DPYD: variants seen among roughly 807,000 people sequenced by gnomAD.
The protein encoded by DPYD is dihydropyrimidine dehydrogenase [NADP(+)].
A neutral mutation model predicts 116.2 loss-of-function variants in DPYD; 109 were observed. The ratio of observed to expected loss-of-function variants is 0.94; its 90% CI spans 0.80 to 1.10. The LOEUF (loss-of-function observed/expected upper bound fraction) is 1.10. DPYD is among the 50% of genes least tolerant of loss of function. The pLI is 0.00. For missense variants in DPYD, 1,302 were observed against 1,254.5 expected (o/e 1.04, Z -0.57); for synonymous variants, 440 against 432.0 (o/e 1.02, Z -0.23).
At chr1:97,790,783 G>A (rs1449299419) in intron 3 of DPYD, among the ~76,000 whole-genome samples, 2 of 152,034 alleles carry the variant, frequency 1.3e-5, no homozygotes, top group Non-Finnish European at 2.9e-5. Flanking sequence ...ACATTCTGTT[G>A]AGTTCAAAAG....
chr1:97,111,232 T>C (rs1651572095), intron 20 of DPYD, among the ~76,000 whole-genome samples: 1 of 152,114 alleles, frequency 6.6e-6, no homozygotes, highest in Non-Finnish European at 1.5e-5. Context: ...ATCCTCCTTA[T>C]AGTAGCCTGA....
chr1:97,433,941 C>T (rs1675319869), intron 14 of DPYD, among the ~76,000 whole-genome samples: 1 of 152,188 alleles, frequency 6.6e-6, no homozygotes, highest in Admixed American at 6.5e-5. Flanking sequence ...GTACACGTAG[C>T]CATTCCAGCC....
chr1:97,396,633 T>C (rs189445578), intron 14 of DPYD, among the ~76,000 whole-genome samples: 58 of 152,184 alleles, frequency 3.8e-4, no homozygotes, highest in South Asian at 2.1e-3. Flanking sequence ...GGGCTGATGA[T>C]AGGGTAGTAT....
intron 2 of DPYD, among the ~76,000 whole-genome samples, chr1:97,881,324 G>A (rs1558028761): frequency 6.6e-6 from 1 of 151,964 alleles, no homozygotes; most frequent in Non-Finnish European, 1.5e-5. Flanking sequence ...GCCAAGGAGA[G>A]AGGTCTTGGA....
intron 13 of DPYD, among the ~76,000 whole-genome samples, chr1:97,507,640 T>C (rs1447081508): frequency 1.3e-5 from 2 of 152,052 alleles, no homozygotes; most frequent in African/African-American, 4.8e-5. Flanking sequence ...AAAATATTAT[T>C]ACATGACATG....
At chr1:97,580,121 A>G (rs1570995198) in intron 10 of DPYD, among the ~76,000 whole-genome samples, 1 of 152,360 alleles carries the variant, frequency 6.6e-6, no homozygotes, top group East Asian at 1.9e-4. Context: ...GATTGCACAT[A>G]GGCAAAGCAA....
intron 20 of DPYD, among the ~76,000 whole-genome samples, chr1:97,135,269 A>C (rs899797461): frequency 6.6e-6 from 1 of 152,194 alleles, no homozygotes; most frequent in Admixed American, 6.5e-5. Context: ...TGTACAGTAA[A>C]TTATTAAGTG....
At chr1:97,492,096 C>T (rs947115034) in intron 13 of DPYD, among the ~76,000 whole-genome samples, 2 of 152,046 alleles carry the variant, frequency 1.3e-5, no homozygotes, top group Admixed American at 1.3e-4. Context: ...CATCTCATTG[C>T]TATGTGATAT....
At chr1:97,366,430 C>A (rs1671044250) in intron 16 of DPYD, among the ~76,000 whole-genome samples, 1 of 152,094 alleles carries the variant, frequency 6.6e-6, no homozygotes, top group Non-Finnish European at 1.5e-5. Context: ...GAAGCTTATA[C>A]CACACAGTCA....
At chr1:97,079,640 GA>G (rs2101550363) in intron 22 of DPYD, among the ~76,000 whole-genome samples, 1 of 152,192 alleles carries the variant, frequency 6.6e-6, no homozygotes, top group African/African-American at 2.4e-5. Flanking sequence ...GAAAGCAGAA[GA>G]AAAAAATTAG....
chr1:97,721,442 A>C (rs1662917386), intron 5 of DPYD, 68 bp downstream of exon 5: 1 of 1,584,380 alleles, frequency 6.3e-7, no homozygotes, highest in African/African-American at 1.3e-5. Context: ...ACCAAGGATT[A>C]AAGTTATTTT....
At chr1:97,476,721 C>T (rs1013805328) in intron 13 of DPYD, among the ~76,000 whole-genome samples, 13 of 151,806 alleles carry the variant, frequency 8.6e-5, no homozygotes, top group African/African-American at 1.9e-4. Context: ...TTAGCATTAT[C>T]GCAACAAAAA....
chr1:97,416,436 T>C (rs1161430970), intron 14 of DPYD, among the ~76,000 whole-genome samples: 1 of 152,210 alleles, frequency 6.6e-6, no homozygotes, highest in Non-Finnish European at 1.5e-5. Context: ...ACTCTCTGAT[T>C]TTCTTTATCC....
intron 8 of DPYD, among the ~76,000 whole-genome samples, chr1:97,677,402 A>G (rs1660203803): frequency 6.6e-6 from 1 of 151,022 alleles, no homozygotes; most frequent in Admixed American, 6.6e-5. Context: ...TGCAGACCTA[A>G]AGCCTGATGA....
intron 13 of DPYD, among the ~76,000 whole-genome samples, chr1:97,504,221 T>G (rs548974126): frequency 2.7e-4 from 41 of 152,120 alleles, no homozygotes; most frequent in African/African-American, 9.9e-4. Context: ...CAGTTTTATT[T>G]TCTTTTTTGG....
chr1:97,400,034 A>T lies in DPYD; in HGVS notation c.1906-17573T>A, dbSNP rs1348341502. Among the ~76,000 whole-genome samples the T allele has an allele frequency of 5.3e-5, 8 of 152,296 alleles. No individual in the cohort carries two copies. The East Asian group carries it at 1.5e-3, about 29-fold the overall frequency. ...GCATCCCTGTCTTGTGCCAGTTTTC[A>T]AAGGGAATGCTTCCAGTTTTTGCCC... On this transcript the variant is annotated intron_variant, in intron 14 of 22. Coordinates refer to ENST00000370192, the MANE Select transcript of DPYD (RefSeq NM_000110.4).
chr1:97,323,721 CAT>C (rs1052396118), intron 16 of DPYD, among the ~76,000 whole-genome samples: 2 of 145,894 alleles, frequency 1.4e-5, no homozygotes, highest in Non-Finnish European at 3.0e-5. Context: ...TACACACACA[CAT>C]ATATATACAT....
chr1:97,654,853 T>C (rs1329223110), intron 8 of DPYD, among the ~76,000 whole-genome samples: 2 of 152,256 alleles, frequency 1.3e-5, no homozygotes, highest in South Asian at 2.1e-4. Context: ...CGCAGTTCCA[T>C]GTGGCTGGGG....
At chr1:97,835,254 T>C (rs1455211877) in intron 2 of DPYD, among the ~76,000 whole-genome samples, 1 of 152,086 alleles carries the variant, frequency 6.6e-6, no homozygotes, top group Non-Finnish European at 1.5e-5. Context: ...CATCTCAATC[T>C]GCAAATAGTC....
Sources: allele counts gnomAD v4.1 joint callset (sites outside exome capture counted in the v4.1 genomes callset), GRCh38; gene constraint gnomAD v4.1.1; transcripts MANE v1.5; gene names NCBI Gene and HGNC (gene_info 2026-07-23, HGNC 2026-07-21).